Variants in PLEKHG1 observed in about 807,000 individuals in gnomAD.
PLEKHG1 encodes pleckstrin homology domain-containing family G member 1.
In PLEKHG1, 44 loss-of-function variants were observed where a neutral mutation model predicts 100.8. That is an observed-to-expected ratio of 0.44 (90% CI 0.34 to 0.56). The LOEUF is 0.56. PLEKHG1 is among the 20% of genes least tolerant of loss of function. The pLI is 0.01. For missense variants in PLEKHG1, 1,545 were observed against 1,720.9 expected (o/e 0.90, Z 1.81); for synonymous variants, 640 against 662.5 (o/e 0.97, Z 0.52).
At chr6:150,797,562 C>T (rs1583150544) in intron 5 of PLEKHG1, among the ~76,000 whole-genome samples, 1 of 147,938 alleles carries the variant, frequency 6.8e-6, no homozygotes, top group Non-Finnish European at 1.5e-5. Context: ...CGGCTGGATA[C>T]AGAGACTTAT....
At position 150,830,562 on chromosome 6, in the gene PLEKHG1, T is replaced by C; in HGVS notation, c.1471-20T>C. 6.5e-7 allele frequency: 1 copy of C among 1,547,914 alleles called. No individual in the cohort carries two copies. The highest frequency in any genetic ancestry group is 8.8e-7 in the Non-Finnish European group (1 of 1,139,276). On this transcript the variant is annotated intron_variant, in intron 14 of 15. Coordinates refer to ENST00000358517, the Ensembl canonical transcript of PLEKHG1. ...CTCCATGGTGCTGTGATTCAGTTGA[T>C]ATGTTTCCATCTTCCTCAGGTTTCT...
intron 3 of PLEKHG1, among the ~76,000 whole-genome samples, chr6:150,654,406 G>A (rs778623197): frequency 6.6e-6 from 1 of 152,112 alleles, no homozygotes; most frequent in African/African-American, 2.4e-5. Context: ...CCTACTATGC[G>A]GCAGCGCTCT....
In PLEKHG1 at chr6:150,755,049, C is replaced by T. The variant is rs9397347; in HGVS notation, c.412-13589C>T. On this transcript the variant is annotated intron_variant, in intron 2 of 15. Transcript: ENST00000358517. ...GTAGTCCTGTGGCGTGATCATACCT[C>T]GCTGCAGCCTTGATCTCCTGGGCTC... 8.6e-5 allele frequency among the ~76,000 whole-genome samples: 13 copies of T among 151,764 alleles called. No individual in the cohort carries two copies. The East Asian group carries it at 1.6e-3, about 18-fold the overall frequency.
intron 1 of PLEKHG1, among the ~76,000 whole-genome samples, chr6:150,601,102 C>T (rs1315556346): frequency 6.6e-5 from 10 of 152,174 alleles, no homozygotes; most frequent in Non-Finnish European, 1.2e-4. Flanking sequence ...GGGGGAAAGA[C>T]TAGAATGTTA....
chr6:150,678,344 C>T (rs1317373867), intron 3 of PLEKHG1, among the ~76,000 whole-genome samples: 3 of 151,860 alleles, frequency 2.0e-5, no homozygotes, highest in Non-Finnish European at 2.9e-5. Context: ...CCAATGAACA[C>T]CTAAATTTAA....
chr6:150,671,110 T>TATATATATATATATAC (rs1491586627), intron 3 of PLEKHG1, among the ~76,000 whole-genome samples: 3 of 121,962 alleles, frequency 2.5e-5, no homozygotes, highest in Non-Finnish European at 3.5e-5. Context: ...TATATATATA[T>TATATATATATATATAC]ACACACACAC....
chr6:150,624,594 A>G (rs555432379), intron 1 of PLEKHG1: 44 of 152,266 alleles, frequency 2.9e-4, no homozygotes, highest in Non-Finnish European at 5.6e-4. Context: ...CTTACTTCCA[A>G]CAGAAACCTG....
intron 3 of PLEKHG1, among the ~76,000 whole-genome samples, chr6:150,667,841 A>G (rs1437158334): frequency 6.6e-6 from 1 of 152,216 alleles, no homozygotes; most frequent in Non-Finnish European, 1.5e-5. Context: ...AGCAGTCACA[A>G]GTAAAAATAC....
At chr6:150,815,295 AT>A (rs1490764478) in intron 10 of PLEKHG1, among the ~76,000 whole-genome samples, 10 of 152,210 alleles carry the variant, frequency 6.6e-5, no homozygotes, top group Admixed American at 6.5e-5. Flanking sequence ...CGTTCTTTTA[AT>A]TCAATGATGG....
At chr6:150,712,898 G>T (rs568995380) in intron 3 of PLEKHG1, among the ~76,000 whole-genome samples, 11 of 152,166 alleles carry the variant, frequency 7.2e-5, no homozygotes, top group African/African-American at 2.4e-4. Context: ...TTTAATTGAA[G>T]GACAGTTTGA....
At chr6:150,690,826 T>C (rs141975203) in intron 3 of PLEKHG1, among the ~76,000 whole-genome samples, 12 of 152,368 alleles carry the variant, frequency 7.9e-5, no homozygotes, top group African/African-American at 2.9e-4. Flanking sequence ...GTTATTTTCG[T>C]GCCTGTGTGA....
At chr6:150,709,478 A>G (rs967853834) in intron 3 of PLEKHG1, among the ~76,000 whole-genome samples, 1 of 152,210 alleles carries the variant, frequency 6.6e-6, no homozygotes, top group African/African-American at 2.4e-5. Context: ...GAGAGCCTCA[A>G]GAGAGTCTAT....
In PLEKHG1 at chr6:150,831,223, G is replaced by A. The variant is rs1321018257; in HGVS notation, c.2112G>A (p.Arg704=). The change falls in exon 15 of 16, where the codon AGG becomes AGA. Residue 704 remains arginine (R), a synonymous_variant. Transcript: ENST00000358517. The surrounding 1 kb of genome is among the most constrained non-coding windows in gnomAD (Gnocchi z 4.1). ...CCCCAGAGTTAGCCTTCACAAAGAG[G>A]CAAGCTGGCCACAGTAAGGGCTCTC... The A allele has an allele frequency of 1.2e-5, 19 of 1,614,026 alleles. No individual in the cohort carries two copies. The highest frequency in any genetic ancestry group is 1.6e-5 in the Non-Finnish European group (19 of 1,180,028).
chr6:150,622,238 A>G (rs62434094), intron 1 of PLEKHG1, among the ~76,000 whole-genome samples: 11,418 of 152,304 alleles, frequency 0.075, 535 homozygotes, highest in Non-Finnish European at 0.1. Flanking sequence ...ACTCTTCTAC[A>G]TGCTGTGGTG....
intron 3 of PLEKHG1, among the ~76,000 whole-genome samples, chr6:150,669,087 A>G (rs1342047703): frequency 1.3e-5 from 2 of 152,188 alleles, no homozygotes; most frequent in South Asian, 2.1e-4. Context: ...AGGAAAGCCT[A>G]AAATAAGATC....
chr6:150,763,821 A>G (rs1358098474), intron 2 of PLEKHG1, among the ~76,000 whole-genome samples: 1 of 152,212 alleles, frequency 6.6e-6, no homozygotes, highest in East Asian at 1.9e-4. Flanking sequence ...ACAGTGGATG[A>G]GAAAGCATCC....
chr6:150,675,053 G>A (rs569919593), intron 3 of PLEKHG1, among the ~76,000 whole-genome samples: 41 of 152,148 alleles, frequency 2.7e-4, no homozygotes, highest in Non-Finnish European at 5.4e-4. Flanking sequence ...GTAATAATAA[G>A]CTCAAAACTT....
chr6:150,800,138 T>A lies in PLEKHG1; in HGVS notation c.630-581T>A, dbSNP rs190934181. 4.4e-3 allele frequency among the ~76,000 whole-genome samples: 674 copies of A among 152,224 alleles called. 2 individuals are homozygous for A. Among genetic ancestry groups the A allele is most frequent in the Admixed American group, 8.6e-3 (131 of 15,282 alleles). On this transcript the variant is annotated intron_variant, in intron 5 of 15. Coordinates refer to ENST00000358517, the Ensembl canonical transcript of PLEKHG1. ...CAATTTGGAGGTAGAAAGGGAGACC[T>A]CTTCAAAGATTCTCACAGGGAAGTT...
intron 5 of PLEKHG1, among the ~76,000 whole-genome samples, chr6:150,799,979 G>A (rs1482196196): frequency 6.6e-6 from 1 of 152,198 alleles, no homozygotes; most frequent in African/African-American, 2.4e-5. Context: ...GTTTTCGTCT[G>A]TGCTCATCAC....
Sources: gnomAD v4.1 joint callset for allele counts (sites outside exome capture counted in the v4.1 genomes callset) on GRCh38, gnomAD v4.1.1 for gene constraint, Gnocchi (gnomAD v3.1) non-coding constraint, MANE v1.5 for transcripts, NCBI Gene and HGNC (gene_info 2026-07-23, HGNC 2026-07-21) for gene names.